The following EVC variants were observed in gnomAD, a reference collection of about 807,000 sequenced individuals.
EVC encodes the protein EvC ciliary complex subunit 1.
In EVC, 116 loss-of-function variants were observed where a neutral mutation model predicts 118.9. The observed-to-expected ratio is 0.98, with a 90% CI of 0.84 to 1.14. EVC has a LOEUF of 1.14. EVC is among the 50% of genes most tolerant of loss of function. EVC has a pLI of 0.00. For synonymous variants in EVC, 619 were observed against 534.7 expected (o/e 1.16, Z -2.18); for missense variants, 1,401 against 1,246.4 (o/e 1.12, Z -1.87).
intron 18 of EVC, among the ~76,000 whole-genome samples, chr4:5,808,679 T>C (rs561815607): frequency 6.6e-6 from 1 of 152,364 alleles, no homozygotes; most frequent in East Asian, 1.9e-4. Flanking sequence ...GACCTCTGTG[T>C]CACTCAGGCA....
At chr4:5,783,136 GTC>G (rs1007033165) in intron 11 of EVC, among the ~76,000 whole-genome samples, 6 of 152,062 alleles carry the variant, frequency 3.9e-5, no homozygotes, top group Non-Finnish European at 1.5e-5. Context: ...GTATGTATGA[GTC>G]TATGTGTGAT....
intron 11 of EVC, among the ~76,000 whole-genome samples, chr4:5,758,657 CTGG>C (rs1243241371): frequency 6.6e-6 from 1 of 152,140 alleles, no homozygotes. Context: ...GTGACCTTGG[CTGG>C]TTACATAACC....
the EVC span, chr4:5,821,552 T>C: frequency 5.3e-6 from 3 of 563,766 alleles, no homozygotes; most frequent in East Asian, 5.6e-5. This position sits in a 1 kb window ranked among gnomAD's most constrained non-coding sequence, Gnocchi z 4.4. Context: ...GGATTCAGCA[T>C]GAACACAACT....
rs1292207687 is a variant in EVC at position 5,743,626 on chromosome 4, A to C, written c.802-1578A>C. On this transcript the variant is annotated intron_variant, in intron 6 of 20. Transcript: ENST00000264956. This position sits in a 1 kb window ranked among gnomAD's most constrained non-coding sequence, Gnocchi z 4.7. ...TGTGAGATCTGGGGGTTTGGGAAGG[A>C]ATGTTTCTTCTTTACTCCACTGGAT... Among the ~76,000 whole-genome samples, 1 of 152,062 alleles carries C rather than the reference A, an allele frequency of 6.6e-6. No homozygotes were observed. Among genetic ancestry groups the C allele is most frequent in the Non-Finnish European group, 1.5e-5 (1 of 68,024 alleles).
intron 4 of EVC, among the ~76,000 whole-genome samples, chr4:5,732,251 G>A (rs987023949): frequency 1.5e-5 from 2 of 137,566 alleles, no homozygotes; most frequent in African/African-American, 5.0e-5. Flanking sequence ...AAGAAGCTCA[G>A]TCTGGCGGGT....
intron 11 of EVC, among the ~76,000 whole-genome samples, chr4:5,777,696 A>G (rs992111604): frequency 6.6e-6 from 1 of 152,162 alleles, no homozygotes; most frequent in Non-Finnish European, 1.5e-5. Context: ...TCAGAAATAT[A>G]ATCTCTAAAT....
intron 16 of EVC, 61 bp downstream of exon 16, chr4:5,802,155 G>A: frequency 6.3e-7 from 1 of 1,591,550 alleles, no homozygotes; most frequent in South Asian, 1.1e-5. Context: ...TTTTAGTTTG[G>A]GGCAGAATAG....
chr4:5,816,458 G>C (rs534046340), downstream of EVC, among the ~76,000 whole-genome samples: 531 of 152,254 alleles, frequency 3.5e-3, 2 homozygotes, highest in African/African-American at 0.012. Context: ...CCACATGACA[G>C]GGCTCCTCCA....
chr4:5,796,125 G>A (rs1031591107), intron 13 of EVC, among the ~76,000 whole-genome samples: 1 of 152,094 alleles, frequency 6.6e-6, no homozygotes, highest in Non-Finnish European at 1.5e-5. Context: ...GTCAGTTATT[G>A]TGTTTTCAGT....
At chr4:5,758,563 G>A (rs1207147890) in intron 11 of EVC, among the ~76,000 whole-genome samples, 1 of 152,164 alleles carries the variant, frequency 6.6e-6, no homozygotes, top group Non-Finnish European at 1.5e-5. Flanking sequence ...GAACAACTTT[G>A]TCCCCAGAGG....
chr4:5,730,394 A>G (rs977546916), intron 3 of EVC, among the ~76,000 whole-genome samples: 12 of 151,872 alleles, frequency 7.9e-5, no homozygotes, highest in Non-Finnish European at 1.5e-4. Flanking sequence ...TTCCATGGAA[A>G]CTTTGTGGTG....
chr4:5,784,173 C>T (rs1736071550), intron 12 of EVC, among the ~76,000 whole-genome samples: 2 of 152,084 alleles, frequency 1.3e-5, no homozygotes, highest in African/African-American at 2.4e-5. Flanking sequence ...AGAATCGTGA[C>T]CCCTCAAAGA....
Sources: gnomAD v4.1 joint callset for allele counts (sites outside exome capture counted in the v4.1 genomes callset) on GRCh38, gnomAD v4.1.1 for gene constraint, Gnocchi (gnomAD v3.1) non-coding constraint, MANE v1.5 for transcripts, NCBI Gene and HGNC (gene_info 2026-07-23, HGNC 2026-07-21) for gene names.